DPT: variants seen among roughly 807,000 people sequenced by gnomAD.
The protein encoded by DPT is dermatopontin.
Under a neutral mutation model 31.2 loss-of-function variants are expected in DPT, and 21 were observed. The observed-to-expected ratio is 0.67, with a 90% CI of 0.48 to 0.97. The LOEUF is 0.97. DPT is among the 50% of genes least tolerant of loss of function. DPT has a pLI of 0.00. For missense variants in DPT, 262 were observed against 258.8 expected, an observed-to-expected ratio of 1.01 and a Z score of -0.08; for synonymous variants, 91 against 86.9, an observed-to-expected ratio of 1.05 and a Z score of -0.26.
At position 168,695,470 on chromosome 1, in the gene DPT, G is replaced by T. The variant is rs1043070257; in HGVS notation, c.*1079C>A. 2.0e-5 allele frequency: 3 copies of T among 152,100 alleles called. No individual in the cohort carries two copies. Among genetic ancestry groups the T allele is most frequent in the Non-Finnish European group, 4.4e-5 (3 of 68,018 alleles). The allele number at this position is 152,100 out of a possible 1,614,324, so 9.4% of individuals were successfully genotyped here. The stretch of plus-strand genomic sequence containing the variant: ...ACTGACCCTGAATATTTTCAGCATA[G>T]TGAACGTTAATATTTTTATTTCTTT... On this transcript the variant is annotated 3_prime_UTR_variant, in exon 4 of 4. Transcript: ENST00000367817.
At chr1:168,724,855 C>A (rs1028517482) in intron 1 of DPT, among the ~76,000 whole-genome samples, 1 of 152,146 alleles carries the variant, frequency 6.6e-6, no homozygotes, top group Non-Finnish European at 1.5e-5. Flanking sequence ...TTCTCCTCTT[C>A]TCCAGTCTGT....
At position 168,728,910 on chromosome 1, in the gene DPT, C is replaced by T; in HGVS notation, c.265G>A (p.Glu89Lys). The T allele has an allele frequency of 6.2e-7, 1 of 1,614,238 alleles. No homozygotes were observed. The change falls in exon 1 of 4, where the codon GAG becomes AAG. Residue 89 changes from glutamate to lysine, a missense_variant. Coordinates refer to ENST00000367817, the MANE Select transcript of DPT (RefSeq NM_001937.5). Reference protein sequence around the residue: ...PTPQSLGEPTECWWEEINRAG... With the variant: ...PTPQSLGEPTKCWWEEINRAG... ...CTGTTGATCTCCTCCCACCAGCACTCCGTGGGTTCCCCGAGGCTCTGTGGC... is the reference window on the plus strand; with the variant it reads ...CTGTTGATCTCCTCCCACCAGCACTTCGTGGGTTCCCCGAGGCTCTGTGGC...
rs17502900 is a variant in DPT, at chr1:168,696,113, C to A, written c.*436G>T. ...AAGCCTGCTTTTGGTGGGGAACCTA[C>A]GTATCATTCAAACAGGCTTAGCTGT... On this transcript the variant is annotated 3_prime_UTR_variant, in exon 4 of 4. Coordinates refer to ENST00000367817, the MANE Select transcript of DPT (RefSeq NM_001937.5). 6.7e-4 allele frequency: 270 copies of A among 403,214 alleles called. No homozygotes were observed. The highest frequency in any genetic ancestry group is 5.3e-3 in the African/African-American group (258 of 48,770). The allele number at this position is 403,214 out of a possible 1,614,324, so 25.0% of individuals were successfully genotyped here.
chr1:168,708,979 A>G (rs1479086533), intron 2 of DPT, among the ~76,000 whole-genome samples: 3 of 152,350 alleles, frequency 2.0e-5, no homozygotes, highest in South Asian at 2.1e-4. Flanking sequence ...ATTTAAAAAA[A>G]GCACTCTCTG....
chr1:168,704,460 T>A (rs1228322937), intron 2 of DPT, among the ~76,000 whole-genome samples: 1 of 152,256 alleles, frequency 6.6e-6, no homozygotes, highest in Non-Finnish European at 1.5e-5. Context: ...TGCAGGAGAA[T>A]GGCGTGAACC....
chr1:168,721,078 G>C (rs1204136633), intron 1 of DPT, among the ~76,000 whole-genome samples: 2 of 152,192 alleles, frequency 1.3e-5, no homozygotes, highest in African/African-American at 2.4e-5. Flanking sequence ...TGATAATACA[G>C]ATACTGGAAA....
rs1649454344 is a variant in DPT at position 168,695,811 on chromosome 1, C to T, written c.*738G>A. Reference sequence around the variant, plus strand: ...TCCCAATCTGAATCCCATTCTCTGACCATTCTCTGCTTCCTTGTTTTTAAT... The same window carrying T: ...TCCCAATCTGAATCCCATTCTCTGATCATTCTCTGCTTCCTTGTTTTTAAT... On this transcript the variant is annotated 3_prime_UTR_variant, in exon 4 of 4. Coordinates refer to ENST00000367817, the MANE Select transcript of DPT (RefSeq NM_001937.5). 1 of 179,856 alleles carries T rather than the reference C, an allele frequency of 5.6e-6. No individual in the cohort carries two copies. The highest frequency in any genetic ancestry group is 6.2e-5 in the Admixed American group (1 of 16,092). The allele number at this position is 179,856 out of a possible 1,614,324, so 11.1% of individuals were successfully genotyped here.
At chr1:168,719,622 G>T (rs145066341) in intron 1 of DPT, among the ~76,000 whole-genome samples, 2 of 152,110 alleles carry the variant, frequency 1.3e-5, no homozygotes, top group Non-Finnish European at 2.9e-5. Flanking sequence ...GGGAGTTTCA[G>T]GCCCCTTCAT....
At chr1:168,709,218 C>T (rs982009735) in intron 2 of DPT, among the ~76,000 whole-genome samples, 7 of 152,158 alleles carry the variant, frequency 4.6e-5, no homozygotes, top group Non-Finnish European at 8.8e-5. Context: ...ACAGAGTCTC[C>T]GCCTGGACAG....
chr1:168,728,881 A>G lies in DPT; in HGVS notation c.294T>C (p.Ala98=). The change falls in exon 1 of 4, where the codon GCT becomes GCC. Residue 98 remains alanine, a synonymous_variant. Transcript: ENST00000367817. ...GGACTGGCCCTTACCATTCCATGCC[A>G]GCCCTGTTGATCTCCTCCCACCAGC... ...TECWWEEINR[A]GMEWYQTCSN... is the part of the protein sequence containing the mutation. The G allele has an allele frequency of 6.2e-7, 1 of 1,614,114 alleles. No homozygotes were observed. The highest frequency in any genetic ancestry group is 8.5e-7 in the Non-Finnish European group (1 of 1,179,968).
chr1:168,725,521 GC>G (rs933132980), intron 1 of DPT, among the ~76,000 whole-genome samples: 9 of 152,114 alleles, frequency 5.9e-5, no homozygotes, highest in Non-Finnish European at 1.3e-4. Flanking sequence ...GTGCCCTACA[GC>G]CTGTGCTGAC....
intron 2 of DPT, among the ~76,000 whole-genome samples, chr1:168,713,043 G>C (rs1448327395): frequency 6.6e-6 from 1 of 152,114 alleles, no homozygotes; most frequent in Non-Finnish European, 1.5e-5. Context: ...AGTGAGGAAA[G>C]GCCAACACAG....
At chr1:168,699,295 C>A (rs1049815066) in intron 3 of DPT, among the ~76,000 whole-genome samples, 1 of 152,080 alleles carries the variant, frequency 6.6e-6, no homozygotes, top group Non-Finnish European at 1.5e-5. Context: ...AACCCATGTT[C>A]TTTGAGTTCT....
At chr1:168,704,789 TTTTA>T (rs892680809) in intron 2 of DPT, among the ~76,000 whole-genome samples, 11 of 152,312 alleles carry the variant, frequency 7.2e-5, no homozygotes, top group African/African-American at 2.6e-4. Context: ...ATTAATAATA[TTTTA>T]CTTATGAGCT....
chr1:168,697,483 A>C (rs528809229), intron 3 of DPT, among the ~76,000 whole-genome samples: 1 of 152,284 alleles, frequency 6.6e-6, no homozygotes, highest in East Asian at 1.9e-4. Flanking sequence ...TGAATTGCCT[A>C]TGTGTTTAAG....
At chr1:168,700,777 A>G (rs1649575674) in intron 3 of DPT, among the ~76,000 whole-genome samples, 1 of 152,176 alleles carries the variant, frequency 6.6e-6, no homozygotes, top group East Asian at 1.9e-4. Context: ...CCCATTTTCC[A>G]GCCAAAACTG....
chr1:168,712,326 C>T (rs952687311), intron 2 of DPT, among the ~76,000 whole-genome samples: 1 of 152,086 alleles, frequency 6.6e-6, no homozygotes, highest in Non-Finnish European at 1.5e-5. Context: ...TGCAGGGCTA[C>T]CTCCTCACCT....
rs576969510 is a variant in DPT, at chr1:168,727,146, T to G, written c.305+1724A>C. 4.6e-5 allele frequency among the ~76,000 whole-genome samples: 7 copies of G among 152,342 alleles called. No homozygotes were observed. The South Asian group carries it at 1.4e-3, about 32-fold the overall frequency. ...CACTGGCTCTGCTGACAGAGTCAGC[T>G]GTCGGGTGGGAGCCCACTCTGGGTG... On this transcript the variant is annotated intron_variant, in intron 1 of 3. Coordinates refer to ENST00000367817, the MANE Select transcript of DPT (RefSeq NM_001937.5).
Position 168,696,487 on chromosome 1 carries a change from T to A in DPT, c.*62A>T, listed in dbSNP as rs1007663127. ...ATAGGAGATCCAACTGATGTTAACA[T>A]ATGTGGACACCCTCCTGTCCCCGGC... On this transcript the variant is annotated 3_prime_UTR_variant, in exon 4 of 4. Coordinates refer to ENST00000367817, the MANE Select transcript of DPT (RefSeq NM_001937.5). The A allele has an allele frequency of 1.4e-6, 2 of 1,421,328 alleles. No individual in the cohort carries two copies. Among genetic ancestry groups the A allele is most frequent in the Non-Finnish European group, 2.0e-6 (2 of 1,024,984 alleles). The allele number at this position is 1,421,328 out of a possible 1,614,324, so 88.0% of individuals were successfully genotyped here. A position where few individuals can be genotyped will look rare whatever the true frequency, so the allele number is the denominator to read the frequency against.
Sources: allele counts gnomAD v4.1 joint callset (sites outside exome capture counted in the v4.1 genomes callset), GRCh38; gene constraint gnomAD v4.1.1; transcripts MANE v1.5; gene names NCBI Gene and HGNC (gene_info 2026-07-23, HGNC 2026-07-21).